The following FRMD4B variants were observed in gnomAD, a reference collection of about 807,000 sequenced individuals.
FRMD4B encodes FERM domain-containing protein 4B.
FRMD4B carries 74 observed loss-of-function variants against 141.5 expected under a neutral mutation model. That is an observed-to-expected ratio of 0.52 (90% CI 0.43 to 0.63). The LOEUF is 0.63. Ranked by LOEUF, FRMD4B falls within the 30% of genes least tolerant of loss-of-function variation. The pLI is 0.00. For synonymous variants in FRMD4B, 506 were observed against 467.9 expected, an observed-to-expected ratio of 1.08 and a Z score of -1.05; for missense variants, 1,366 against 1,253.4, an observed-to-expected ratio of 1.09 and a Z score of -1.36.
rs2093218986 is a variant in FRMD4B at position 69,223,516 on chromosome 3, A to AAAAAT, written c.665+1086_665+1090dup. On this transcript the variant is annotated intron_variant, in intron 8 of 22. Coordinates refer to ENST00000398540, the MANE Select transcript of FRMD4B (RefSeq NM_015123.3). ...GGTGACAGGGGGAGACTCCGTCTCA[A>AAAAAT]AAAATAAAATAAAATAAAAATAGAT... is the stretch of plus-strand genomic sequence containing the variant. 2.6e-5 allele frequency among the ~76,000 whole-genome samples: 4 copies of AAAAAT among 152,252 alleles called. No homozygotes were observed. In the South Asian group the frequency reaches 8.3e-4, roughly 32 times the overall value.
At chr3:69,412,737 T>C (rs1006834880) in intron 2 of FRMD4B, among the ~76,000 whole-genome samples, 3 of 151,954 alleles carry the variant, frequency 2.0e-5, no homozygotes, top group Admixed American at 6.6e-5. Flanking sequence ...AGTTTTACCA[T>C]TGGAAAGGGT....
chr3:69,495,859 C>T (rs1706375655), intron 1 of FRMD4B, among the ~76,000 whole-genome samples: 1 of 151,940 alleles, frequency 6.6e-6, no homozygotes, highest in Non-Finnish European at 1.5e-5. Flanking sequence ...AATTGAGGGC[C>T]ATCATTTTAT....
intron 2 of FRMD4B, among the ~76,000 whole-genome samples, chr3:69,429,231 A>G (rs1705137358): frequency 1.3e-5 from 2 of 152,222 alleles, no homozygotes; most frequent in African/African-American, 4.8e-5. Flanking sequence ...TTGTGCATAT[A>G]TCATTTTGTA....
At chr3:69,208,478 G>A (rs1021189921) in intron 11 of FRMD4B, among the ~76,000 whole-genome samples, 3 of 148,912 alleles carry the variant, frequency 2.0e-5, no homozygotes, top group African/African-American at 7.3e-5. Context: ...GGGATTATAG[G>A]CTGAGCCACT....
At chr3:69,481,202 G>C (rs142497197) in intron 1 of FRMD4B, among the ~76,000 whole-genome samples, 1 of 151,918 alleles carries the variant, frequency 6.6e-6, no homozygotes, top group Non-Finnish European at 1.5e-5. Flanking sequence ...GCTTGCGCAC[G>C]GTGTGCTGCA....
chr3:69,410,244 G>A (rs910478657), intron 2 of FRMD4B, among the ~76,000 whole-genome samples: 17 of 152,176 alleles, frequency 1.1e-4, no homozygotes, highest in African/African-American at 3.4e-4. Flanking sequence ...CCAATTTCAA[G>A]TTCCAAAAGC....
rs189117095 is a variant in FRMD4B, at chr3:69,391,269, T to C, written c.-1+41365A>G. 5.5e-4 allele frequency among the ~76,000 whole-genome samples: 83 copies of C among 152,126 alleles called. 1 individual carries two copies. Among genetic ancestry groups the C allele is most frequent in the African/African-American group, 1.8e-3 (73 of 41,516 alleles). ...TTTTATTTTTTTTTATTATTATACT[T>C]TTAAGTTCTAGGGTACACGTGCACA... On this transcript the variant is annotated intron_variant, in intron 2 of 5. Coordinates refer to the FRMD4B transcript ENST00000459638.
intron 1 of FRMD4B, among the ~76,000 whole-genome samples, chr3:69,382,538 C>T (rs952082590): frequency 5.3e-5 from 8 of 152,230 alleles, no homozygotes; most frequent in South Asian, 4.2e-4. Context: ...CATGTATATT[C>T]GTGCTTTATA....
intron 1 of FRMD4B, among the ~76,000 whole-genome samples, chr3:69,319,024 A>G (rs971542980): frequency 7.9e-5 from 12 of 152,338 alleles, no homozygotes; most frequent in Admixed American, 5.9e-4. Flanking sequence ...AGACACAACC[A>G]AAACAAACAC....
At chr3:69,387,042 T>A (rs1244422955), upstream of FRMD4B, among the ~76,000 whole-genome samples, 1 of 152,146 alleles carries the variant, frequency 6.6e-6, no homozygotes, top group Non-Finnish European at 1.5e-5. Context: ...TCTTATTTAT[T>A]TATTTATTAA....
At chr3:69,186,684 C>T (rs1347954497) in intron 19 of FRMD4B, among the ~76,000 whole-genome samples, 3 of 152,192 alleles carry the variant, frequency 2.0e-5, no homozygotes, top group Admixed American at 6.5e-5. Context: ...TGCACTCCAG[C>T]CTGAGCGACA....
At chr3:69,353,287 C>T (rs1474910988) in intron 1 of FRMD4B, among the ~76,000 whole-genome samples, 1 of 152,124 alleles carries the variant, frequency 6.6e-6, no homozygotes, top group Non-Finnish European at 1.5e-5. Flanking sequence ...CTTTAAGGAC[C>T]ATCTTCACTT....
At chr3:69,271,466 C>T (rs995586873) in intron 5 of FRMD4B, among the ~76,000 whole-genome samples, 9 of 152,008 alleles carry the variant, frequency 5.9e-5, no homozygotes, top group Admixed American at 3.3e-4. Context: ...GATCACAGCA[C>T]GATGAAAAGG....
chr3:69,188,091 T>G (rs2092789814), intron 18 of FRMD4B, among the ~76,000 whole-genome samples, 174 bp from the exon 19 acceptor site: 1 of 152,206 alleles, frequency 6.6e-6, no homozygotes, highest in African/African-American at 2.4e-5. Context: ...TTATATTTTA[T>G]ACACCAGAAA....
At chr3:69,448,972 T>C (rs971612751) in intron 1 of FRMD4B, among the ~76,000 whole-genome samples, 1 of 152,220 alleles carries the variant, frequency 6.6e-6, no homozygotes, top group Non-Finnish European at 1.5e-5. Context: ...TTTATTTCCA[T>C]TCCCTAGACT....
chr3:69,382,974 C>T (rs1704152143), intron 1 of FRMD4B, among the ~76,000 whole-genome samples: 1 of 152,048 alleles, frequency 6.6e-6, no homozygotes, highest in Admixed American at 6.6e-5. Flanking sequence ...ACTCTGTAGG[C>T]AAGTTTGAAT....
intron 1 of FRMD4B, among the ~76,000 whole-genome samples, chr3:69,447,202 TAA>T (rs1705421998): frequency 6.6e-6 from 1 of 152,234 alleles, no homozygotes; most frequent in South Asian, 2.1e-4. Context: ...TCATAATTTA[TAA>T]GTCTCTTTTA....
At chr3:69,251,559 T>A (rs1489012304) in intron 5 of FRMD4B, among the ~76,000 whole-genome samples, 3 of 152,244 alleles carry the variant, frequency 2.0e-5, no homozygotes, top group African/African-American at 7.2e-5. Flanking sequence ...TCCCTTATAT[T>A]ACAAGATGAA....
chr3:69,539,812 G>A (rs576110019), intron 1 of FRMD4B, among the ~76,000 whole-genome samples: 9 of 151,706 alleles, frequency 5.9e-5, no homozygotes, highest in Non-Finnish European at 1.2e-4. Context: ...GGAAATGTAA[G>A]CACTGTTCAA....
Sources: allele counts gnomAD v4.1 joint callset (sites outside exome capture counted in the v4.1 genomes callset), GRCh38; gene constraint gnomAD v4.1.1; transcripts MANE v1.5; gene names NCBI Gene and HGNC (gene_info 2026-07-23, HGNC 2026-07-21).